PANK1: variants seen among roughly 807,000 people sequenced by gnomAD.
PANK1 encodes pantothenic acid kinase 1.
Under a neutral mutation model 40.1 loss-of-function variants are expected in PANK1, and 18 were observed. The ratio of observed to expected loss-of-function variants is 0.45; its 90% confidence interval spans 0.31 to 0.67. The LOEUF is 0.67. PANK1 is among the 30% of genes least tolerant of loss of function. PANK1 has a pLI of 0.06. For missense variants in PANK1, 457 were observed against 599.6 expected (o/e 0.76, Z 2.48); for synonymous variants, 242 against 237.7 (o/e 1.02, Z -0.17).
intron 1 of PANK1, among the ~76,000 whole-genome samples, chr10:89,638,081 T>C (rs1050541621): frequency 6.6e-6 from 1 of 152,238 alleles, no homozygotes; most frequent in Non-Finnish European, 1.5e-5. Context: ...TTATACATAA[T>C]TGTGTGTGCT....
chr10:89,641,856 A>T (rs540923109), intron 1 of PANK1, among the ~76,000 whole-genome samples: 3 of 152,326 alleles, frequency 2.0e-5, no homozygotes, highest in East Asian at 3.9e-4. Context: ...AACTAGTATC[A>T]TCTAGTAGGA....
intron 1 of PANK1, among the ~76,000 whole-genome samples, chr10:89,614,806 A>G (rs1845269821): frequency 1.3e-5 from 2 of 152,112 alleles, no homozygotes; most frequent in African/African-American, 4.8e-5. Context: ...CTCAAAAAAA[A>G]AAGAGTGAAA....
chr10:89,591,389 G>A (rs1844382840), intron 5 of PANK1, among the ~76,000 whole-genome samples: 1 of 152,106 alleles, frequency 6.6e-6, no homozygotes, highest in African/African-American at 2.4e-5. Flanking sequence ...CCAAAAATTT[G>A]AATCAGAAAA....
intron 1 of PANK1, among the ~76,000 whole-genome samples, chr10:89,624,356 A>G (rs1206243683): frequency 2.6e-5 from 4 of 152,262 alleles, no homozygotes; most frequent in South Asian, 2.1e-4. Context: ...ACAATTTACT[A>G]TATAATATTA....
chr10:89,601,550 G>A (rs1045866922), intron 2 of PANK1, among the ~76,000 whole-genome samples: 1 of 152,006 alleles, frequency 6.6e-6, no homozygotes, highest in Non-Finnish European at 1.5e-5. Context: ...TTTCCTATTT[G>A]ACAACATTTT....
intron 6 of PANK1, among the ~76,000 whole-genome samples, chr10:89,585,021 T>C (rs144457043): frequency 7.9e-5 from 12 of 152,314 alleles, no homozygotes; most frequent in Admixed American, 2.0e-4. Context: ...TAGAGAACTA[T>C]GTGTTAGTTT....
chr10:89,613,473 C>T (rs767845547), intron 1 of PANK1, among the ~76,000 whole-genome samples: 73 of 152,172 alleles, frequency 4.8e-4, no homozygotes, highest in Non-Finnish European at 5.9e-5. Context: ...TAGCAGGAAA[C>T]CATTTCTGTA....
chr10:89,602,033 A>T (rs1796677758), intron 2 of PANK1, among the ~76,000 whole-genome samples: 1 of 152,204 alleles, frequency 6.6e-6, no homozygotes, highest in African/African-American at 2.4e-5. Flanking sequence ...TGGAACAGGG[A>T]GTTATTATCT....
At chr10:89,630,688 T>C (rs1479080053) in intron 1 of PANK1, among the ~76,000 whole-genome samples, 1 of 152,100 alleles carries the variant, frequency 6.6e-6, no homozygotes, top group Non-Finnish European at 1.5e-5. Flanking sequence ...GAGACTGAGT[T>C]TCACTGTGTT....
intron 1 of PANK1, among the ~76,000 whole-genome samples, chr10:89,638,700 C>T (rs1420528131): frequency 6.6e-6 from 1 of 152,164 alleles, no homozygotes; most frequent in Admixed American, 6.5e-5. Context: ...CAACCAAATT[C>T]CTTGCCACTT....
chr10:89,637,637 G>A lies in PANK1; in HGVS notation c.292+6963C>T, dbSNP rs550032007. 3.3e-5 allele frequency among the ~76,000 whole-genome samples: 5 copies of A among 152,354 alleles called. No individual in the cohort carries two copies. In the South Asian group the frequency reaches 1.0e-3, roughly 32 times the overall value. ...TCCAGGACTGACAGTTGCTCTGGGT[G>A]AGTGAGTGGTGAGTAAATGTGAAGG... On this transcript the variant is annotated intron_variant, in intron 1 of 6. Coordinates refer to ENST00000307534, the MANE Select transcript of PANK1 (RefSeq NM_148977.3).
intron 2 of PANK1, among the ~76,000 whole-genome samples, chr10:89,609,676 T>C (rs949174942): frequency 6.6e-6 from 1 of 152,236 alleles, no homozygotes; most frequent in Non-Finnish European, 1.5e-5. Flanking sequence ...CACAGATGGA[T>C]GCCCAACCTG....
Position 89,645,098 on chromosome 10 carries a change from G to T in PANK1, c.-207C>A, listed in dbSNP as rs751152624. The T allele has an allele frequency of 1.4e-6, 2 of 1,468,320 alleles. No homozygotes were observed. Among genetic ancestry groups the T allele is most frequent in the Middle Eastern group, 2.1e-4 (1 of 4,730 alleles). 91.0% of individuals were successfully genotyped at this position (1,468,320 alleles called of 1,614,324 possible). A position where few individuals can be genotyped will look rare whatever the true frequency, so the allele number is the denominator to read the frequency against. On this transcript the variant is annotated 5_prime_UTR_variant, in exon 1 of 7. Transcript: ENST00000307534. ...TCTGCGCCCTGCCCCCCGCGCGCCG[G>T]CCCCACGGCGCCGGCCTGGAGCACG...
At chr10:89,614,184 G>A (rs1564628791) in intron 1 of PANK1, among the ~76,000 whole-genome samples, 1 of 152,170 alleles carries the variant, frequency 6.6e-6, no homozygotes, top group Admixed American at 6.5e-5. Flanking sequence ...ATTCTCATCA[G>A]AGAGGCGAAG....
chr10:89,599,220 C>A, intron 3 of PANK1, 32 bp downstream of exon 3: 1 of 1,594,670 alleles, frequency 6.3e-7, no homozygotes, highest in South Asian at 1.1e-5. Context: ...AGAAAGAGGT[C>A]TGGGTTCAAG....
intron 1 of PANK1, among the ~76,000 whole-genome samples, chr10:89,641,834 G>A (rs1774467632): frequency 6.6e-6 from 1 of 151,770 alleles, no homozygotes; most frequent in South Asian, 2.1e-4. Context: ...TTAAATCAGT[G>A]GCACAGCAGA....
At chr10:89,616,463 A>G (rs960014190) in intron 1 of PANK1, among the ~76,000 whole-genome samples, 22 of 152,234 alleles carry the variant, frequency 1.4e-4, no homozygotes, top group Non-Finnish European at 8.8e-5. Context: ...TTATATTTAT[A>G]TGCCTCAAAA....
chr10:89,644,175 G>C (rs1224106724), intron 1 of PANK1, among the ~76,000 whole-genome samples: 2 of 152,110 alleles, frequency 1.3e-5, no homozygotes, highest in Admixed American at 1.3e-4. Flanking sequence ...AACCCCAGTA[G>C]GACGCGCTCA....
chr10:89,592,981 G>A (rs1185593136), intron 5 of PANK1, among the ~76,000 whole-genome samples: 1 of 152,118 alleles, frequency 6.6e-6, no homozygotes, highest in Non-Finnish European at 1.5e-5. Flanking sequence ...CAGGTGAATG[G>A]TTTATCATTC....
Sources: allele counts gnomAD v4.1 joint callset (sites outside exome capture counted in the v4.1 genomes callset), GRCh38; gene constraint gnomAD v4.1.1; transcripts MANE v1.5; gene names NCBI Gene and HGNC (gene_info 2026-07-23, HGNC 2026-07-21).